Variants in APOL2 observed in about 807,000 individuals in gnomAD.
APOL2 encodes the protein apolipoprotein L, 2.
In APOL2, 8 loss-of-function variants were observed where a neutral mutation model predicts 7.1. The observed-to-expected ratio is 1.12, with a 90% confidence interval of 0.66 to 2.03. The LOEUF (loss-of-function observed/expected upper bound fraction) is 2.03. APOL2 is among the 30% of genes most tolerant of loss of function. The pLI is 0.00. For synonymous variants in APOL2, 177 were observed against 159.9 expected, an observed-to-expected ratio of 1.11 and a Z score of -0.81; for missense variants, 471 against 415.1, an observed-to-expected ratio of 1.13 and a Z score of -1.17.
intron 1 of APOL2, among the ~76,000 whole-genome samples, chr22:36,237,865 C>G (rs2015463385): frequency 1.3e-5 from 2 of 152,170 alleles, no homozygotes; most frequent in Admixed American, 1.3e-4. Context: ...TGCTTCGGTG[C>G]CTCCTGGAGC....
At chr22:36,238,457 G>A (rs895721063) in intron 1 of APOL2, among the ~76,000 whole-genome samples, 1 of 151,842 alleles carries the variant, frequency 6.6e-6, no homozygotes, top group African/African-American at 2.4e-5. Flanking sequence ...GCTGGGAGGG[G>A]AGGTGACTTG....
intron 3 of APOL2, 98 bp from the exon 4 acceptor site, chr22:36,231,564 A>C (rs1345114234): frequency 2.1e-6 from 3 of 1,441,016 alleles, no homozygotes; most frequent in South Asian, 2.5e-5. Context: ...TTCCTGGACA[A>C]CTGTGATGTG....
chr22:36,231,763 A>G (rs2015233775), intron 3 of APOL2, among the ~76,000 whole-genome samples: 1 of 152,204 alleles, frequency 6.6e-6, no homozygotes, highest in Admixed American at 6.5e-5. Flanking sequence ...GTAAGAAGAG[A>G]AAGAGAAACA....
chr22:36,236,642 T>G, intron 1 of APOL2: 1 of 985,380 alleles, frequency 1.0e-6, no homozygotes, highest in Non-Finnish European at 1.2e-6. Flanking sequence ...CAGCAGCTGG[T>G]CTTTGTTTGC....
chr22:36,237,196 G>A, intron 1 of APOL2: 19 of 1,461,538 alleles, frequency 1.3e-5, no homozygotes, highest in Non-Finnish European at 1.7e-5. Flanking sequence ...CTAGGACACA[G>A]TGTGTACTCC....
chr22:36,230,183 C>T (rs573939869), intron 4 of APOL2, among the ~76,000 whole-genome samples: 2 of 152,334 alleles, frequency 1.3e-5, no homozygotes, highest in South Asian at 4.1e-4. Context: ...TCGGTTGGGA[C>T]TTTGTGAGTC....
rs1404867048 is a variant in APOL2, at chr22:36,227,968, G to A, written c.450C>T (p.Asp150=). The A allele has an allele frequency of 6.2e-7, 1 of 1,614,092 alleles. No homozygotes were observed. The highest frequency in any genetic ancestry group is 1.7e-5 in the Admixed American group (1 of 60,008). The change falls in exon 5 of 5, where the codon GAC becomes GAT. Residue 150 remains aspartate, a synonymous_variant. Transcript: ENST00000358502. ...CTGCTGCTCCCAGACCCATGCCAGT[G>A]TCCAAGAGCACAAAACTGATTCCTT... The part of the protein sequence containing the change: ...FTEGISFVLL[D]TGMGLGAAAA...
Position 36,227,576 on chromosome 22 carries a change from C to T in APOL2, c.842G>A (p.Gly281Asp). 3 of 1,614,246 alleles carry T rather than the reference C, an allele frequency of 1.9e-6. No homozygotes were observed. The highest frequency in any genetic ancestry group is 2.2e-5 in the East Asian group (1 of 44,884). The change falls in exon 5 of 5, where the codon GGC (glycine) becomes GAC (aspartate). Residue 281 changes from glycine to aspartate, a missense_variant. Transcript: ENST00000358502. ...GACCACATCCAGCAGAAGCAAGATG[C>T]CTCCAGTGGCTGCACCCACGATCAT... ...GTMIVGAATG[G>D]ILLLLDVVSL... is the part of the protein sequence containing the mutation.
chr22:36,233,294 G>C, intron 2 of APOL2, 53 bp from the exon 3 acceptor site: 1 of 1,600,544 alleles, frequency 6.2e-7, no homozygotes, highest in South Asian at 1.1e-5. Context: ...CCTGTGTACA[G>C]AGGGAGGCTG....
chr22:36,237,151 G>C, intron 1 of APOL2: 1 of 1,522,900 alleles, frequency 6.6e-7, no homozygotes. Context: ...AGCCTCTGCT[G>C]GGGGTTGAGG....
At chr22:36,228,692 A>G (rs954297952) in intron 4 of APOL2, among the ~76,000 whole-genome samples, 3 of 152,296 alleles carry the variant, frequency 2.0e-5, no homozygotes, top group Admixed American at 1.3e-4. Flanking sequence ...ACCCAAAGAG[A>G]GGCCTTCCCT....
At position 36,227,268 on chromosome 22, in the gene APOL2, A is replaced by T; in HGVS notation, c.*136T>A. The T allele has an allele frequency of 9.0e-7, 1 of 1,111,194 alleles. No homozygotes were observed. Among genetic ancestry groups the T allele is most frequent in the Non-Finnish European group, 1.2e-6 (1 of 815,406 alleles). 68.8% of individuals were successfully genotyped at this position (1,111,194 alleles called of 1,614,324 possible). A position where few individuals can be genotyped will look rare whatever the true frequency, so the allele number is the denominator to read the frequency against. On this transcript the variant is annotated 3_prime_UTR_variant, in exon 5 of 5. Coordinates refer to ENST00000358502, the MANE Select transcript of APOL2 (RefSeq NM_030882.4). ...GAGGCGGAGTTTGCAGTGAGCCGAGATTGAGCCACTGCACTCCATCCTGGG... is the reference window on the plus strand; with the variant it reads ...GAGGCGGAGTTTGCAGTGAGCCGAGTTTGAGCCACTGCACTCCATCCTGGG...
chr22:36,238,722 C>T (rs1473397960), intron 1 of APOL2, among the ~76,000 whole-genome samples: 1 of 152,310 alleles, frequency 6.6e-6, no homozygotes, highest in Admixed American at 6.5e-5. Context: ...TTCTCACTCC[C>T]CTGTCTCAGC....
intron 3 of APOL2, among the ~76,000 whole-genome samples, chr22:36,232,921 G>C (rs1000816631): frequency 1.3e-5 from 2 of 151,988 alleles, no homozygotes; most frequent in African/African-American, 4.8e-5. Flanking sequence ...TGGGTGACAG[G>C]GTAGGGAGGA....
At chr22:36,233,495 G>A (rs1250153111) in intron 1 of APOL2, 40 bp from the exon 2 acceptor site, 1 of 1,506,366 alleles carries the variant, frequency 6.6e-7, no homozygotes, top group South Asian at 1.2e-5. Flanking sequence ...AGGAGGGGCA[G>A]CCATCTGATC....
At chr22:36,235,237 A>C (rs2015357458) in intron 1 of APOL2, among the ~76,000 whole-genome samples, 1 of 152,186 alleles carries the variant, frequency 6.6e-6, no homozygotes, top group South Asian at 2.1e-4. Context: ...TATGCCCCAG[A>C]AATAATATCT....
intron 1 of APOL2, 56 bp from the exon 2 acceptor site, chr22:36,233,511 A>C: frequency 6.9e-7 from 1 of 1,445,750 alleles, no homozygotes; most frequent in South Asian, 1.2e-5. Flanking sequence ...TGATCATTAC[A>C]GAAACTACAG....
chr22:36,237,320 C>A, intron 1 of APOL2: 1 of 1,343,494 alleles, frequency 7.4e-7, no homozygotes, highest in East Asian at 2.8e-5. Context: ...AGGACAGGGA[C>A]TCTCAGCAAA....
At chr22:36,233,056 C>A in intron 3 of APOL2, 97 bp downstream of exon 3, 2 of 1,256,426 alleles carry the variant, frequency 1.6e-6, no homozygotes, top group South Asian at 1.2e-5. Flanking sequence ...GCCTCCTAGT[C>A]CATCTGGGTT....
Sources: allele counts gnomAD v4.1 joint callset (sites outside exome capture counted in the v4.1 genomes callset), GRCh38; gene constraint gnomAD v4.1.1; transcripts MANE v1.5; gene names NCBI Gene and HGNC (gene_info 2026-07-23, HGNC 2026-07-21).